MEGF11: variants seen among roughly 807,000 people sequenced by gnomAD.
MEGF11 encodes the protein multiple epidermal growth factor-like domains protein 11.
In MEGF11, 126 loss-of-function variants were observed where a neutral mutation model predicts 146.6. That is an observed-to-expected ratio of 0.86 (90% CI 0.74 to 1.00). MEGF11 has a LOEUF of 1.00. MEGF11 is among the 50% of genes least tolerant of loss of function. The probability of loss-of-function intolerance (pLI) is 0.00; values close to 1 mark genes in which losing one functional copy is unlikely to be tolerated. For missense variants in MEGF11, 1,509 were observed against 1,521.2 expected, an observed-to-expected ratio of 0.99 and a Z score of 0.13; for synonymous variants, 532 against 583.4, an observed-to-expected ratio of 0.91 and a Z score of 1.27.
intron 5 of MEGF11, among the ~76,000 whole-genome samples, chr15:66,021,429 C>T (rs1248524371): frequency 6.6e-6 from 1 of 152,140 alleles, no homozygotes. Flanking sequence ...TCTCTTAACC[C>T]TACAATCTCT....
Position 65,929,707 on chromosome 15 carries a change from C to A in MEGF11, c.1572+13G>T. ...GCGGAGCCCAACCTGTCCCTCCCCACCCTGGCACTCACCGGGCAAGGCAGC... is the reference window on the plus strand; with the variant it reads ...GCGGAGCCCAACCTGTCCCTCCCCAACCTGGCACTCACCGGGCAAGGCAGC... On this transcript the variant is annotated intron_variant, in intron 12 of 25. Transcript: ENST00000395614. The A allele has an allele frequency of 6.5e-7, 1 of 1,548,882 alleles. No individual in the cohort carries two copies.
At chr15:65,976,382 T>C (rs1239474380) in intron 7 of MEGF11, among the ~76,000 whole-genome samples, 1 of 152,200 alleles carries the variant, frequency 6.6e-6, no homozygotes, top group African/African-American at 2.4e-5. Flanking sequence ...TACCTCAGAA[T>C]GTGACTGTAT....
rs1012761077 is a variant in MEGF11 at position 66,122,767 on chromosome 15, C to T, written c.200+1132G>A. Among the ~76,000 whole-genome samples the T allele has an allele frequency of 2.8e-4, 30 of 109,060 alleles. 1 individual carries two copies. Among genetic ancestry groups the T allele is most frequent in the Admixed American group, 1.5e-3 (14 of 9,542 alleles). 71.5% of individuals were successfully genotyped at this position (109,060 alleles called of 152,430 possible). A position where few individuals can be genotyped will look rare whatever the true frequency, so the allele number is the denominator to read the frequency against. On this transcript the variant is annotated intron_variant, in intron 3 of 25. Transcript: ENST00000395614. The stretch of plus-strand genomic sequence containing the variant: ...GTAGGTAGAACAAGGTTTATTAAGG[C>T]TTTTTTGTTTTGTTTTGTTTTGTTT...
intron 8 of MEGF11, among the ~76,000 whole-genome samples, chr15:65,969,540 G>A (rs1029922734): frequency 6.6e-6 from 1 of 152,170 alleles, no homozygotes; most frequent in Admixed American, 6.5e-5. Context: ...AGGTAAATAA[G>A]CCCAAGGCTA....
chr15:66,221,274 G>A lies in MEGF11; in HGVS notation c.-9+32331C>T, dbSNP rs188578064. Among the ~76,000 whole-genome samples, 538 of 152,128 alleles carry A rather than the reference G, an allele frequency of 3.5e-3. 2 individuals carry two copies. The highest frequency in any genetic ancestry group is 6.1e-3 in the Non-Finnish European group (412 of 67,998). ...TTGGGAGAGGGCTGCCTGGGTCACG[G>A]GCTCGCAGCCGCTCCAGCACGCCTG... On this transcript the variant is annotated intron_variant, in intron 1 of 25. Coordinates refer to ENST00000395614, the MANE Select transcript of MEGF11 (RefSeq NM_001385028.1).
chr15:66,058,230 CAG>C (rs2084760276), intron 5 of MEGF11, among the ~76,000 whole-genome samples: 1 of 152,120 alleles, frequency 6.6e-6, no homozygotes, highest in African/African-American at 2.4e-5. Flanking sequence ...AGCCATATAA[CAG>C]GGCAACGGCA....
chr15:66,093,644 G>C (rs2086413755), intron 5 of MEGF11, among the ~76,000 whole-genome samples: 1 of 152,200 alleles, frequency 6.6e-6, no homozygotes, highest in Non-Finnish European at 1.5e-5. Flanking sequence ...AATGTGCCAA[G>C]TCATCTGCAA....
intron 24 of MEGF11, among the ~76,000 whole-genome samples, chr15:65,899,735 C>T (rs761108039): frequency 1.2e-4 from 19 of 152,134 alleles, no homozygotes; most frequent in Non-Finnish European, 2.5e-4. Flanking sequence ...AAGCCTGTAA[C>T]GTGTTCTTGG....
intron 5 of MEGF11, among the ~76,000 whole-genome samples, chr15:66,071,298 G>A (rs2140472166): frequency 6.6e-6 from 1 of 152,286 alleles, no homozygotes; most frequent in Middle Eastern, 3.4e-3. Flanking sequence ...GCCTAGCCTG[G>A]AGTCTGCCCT....
At chr15:65,906,028 T>G (rs1177902387) in intron 24 of MEGF11, 57 bp downstream of exon 24, 2 of 1,427,004 alleles carry the variant, frequency 1.4e-6, no homozygotes, top group Non-Finnish European at 2.0e-6. Flanking sequence ...ATTTCAGATC[T>G]GCACTCTTTA....
chr15:65,933,773 G>C (rs969917668), intron 10 of MEGF11, among the ~76,000 whole-genome samples: 5 of 152,176 alleles, frequency 3.3e-5, no homozygotes, highest in Admixed American at 3.3e-4. Context: ...GTACCATCCT[G>C]CTTCCACAGC....
intron 5 of MEGF11, among the ~76,000 whole-genome samples, chr15:65,997,990 G>A (rs1312998238): frequency 3.9e-5 from 6 of 151,984 alleles, no homozygotes; most frequent in Non-Finnish European, 4.4e-5. Flanking sequence ...CAGATGTCCC[G>A]GGGTGGGGAA....
chr15:66,014,982 T>G (rs1474833371), intron 5 of MEGF11, among the ~76,000 whole-genome samples: 2 of 151,760 alleles, frequency 1.3e-5, no homozygotes, highest in South Asian at 2.1e-4. Context: ...AAAAAAGTCC[T>G]GATTTGTAGC....
At chr15:65,935,085 T>C (rs535647756) in intron 10 of MEGF11, among the ~76,000 whole-genome samples, 2 of 151,324 alleles carry the variant, frequency 1.3e-5, no homozygotes, top group African/African-American at 4.8e-5. Context: ...CTTTGGGAGG[T>C]TGAGGCAGGC....
intron 9 of MEGF11, among the ~76,000 whole-genome samples, chr15:65,962,066 G>A (rs1043315952): frequency 6.6e-6 from 1 of 152,166 alleles, no homozygotes. Context: ...AGATAGGTTT[G>A]AGGGCAGGAC....
At chr15:66,249,951 C>A (rs2092347858) in intron 1 of MEGF11, among the ~76,000 whole-genome samples, 2 of 152,218 alleles carry the variant, frequency 1.3e-5, no homozygotes, top group Non-Finnish European at 2.9e-5. Flanking sequence ...CAGGGAACAC[C>A]TGGATTCTAT....
At chr15:66,055,053 G>C (rs1016000723) in intron 5 of MEGF11, among the ~76,000 whole-genome samples, 1 of 152,142 alleles carries the variant, frequency 6.6e-6, no homozygotes, top group African/African-American at 2.4e-5. Context: ...TGGGTGACTG[G>C]GTAGCCATCC....
intron 5 of MEGF11, among the ~76,000 whole-genome samples, chr15:66,066,890 C>T (rs1412376754): frequency 6.6e-6 from 1 of 152,184 alleles, no homozygotes; most frequent in Non-Finnish European, 1.5e-5. Context: ...GAGAGACCCC[C>T]AGAAAGGAGA....
At chr15:66,109,315 C>T (rs2087262505) in intron 4 of MEGF11, among the ~76,000 whole-genome samples, 1 of 152,108 alleles carries the variant, frequency 6.6e-6, no homozygotes, top group East Asian at 1.9e-4. Context: ...TACTTAAACC[C>T]CTTGTTGACC....
Sources: allele counts gnomAD v4.1 joint callset (sites outside exome capture counted in the v4.1 genomes callset), GRCh38; gene constraint gnomAD v4.1.1; transcripts MANE v1.5; gene names NCBI Gene and HGNC (gene_info 2026-07-23, HGNC 2026-07-21).